Variants in EIF4E2 observed in about 807,000 individuals in gnomAD.
The protein encoded by EIF4E2 is eukaryotic translation initiation factor 4E family member 2.
A neutral mutation model predicts 34.2 loss-of-function variants in EIF4E2; 13 were observed. That is an observed-to-expected ratio of 0.38 (90% confidence interval 0.25 to 0.60). The LOEUF is 0.60. Among genes scored for constraint, EIF4E2 ranks in the 20% least tolerant of loss-of-function variants. EIF4E2 has a pLI of 0.62. For missense variants in EIF4E2, 222 were observed against 315.1 expected (o/e 0.70, Z 2.24); for synonymous variants, 100 against 106.6 (o/e 0.94, Z 0.38).
chr2:232,567,963 C>G, intron 6 of EIF4E2: 1 of 974,942 alleles, frequency 1.0e-6, no homozygotes, highest in Non-Finnish European at 1.2e-6. Flanking sequence ...AGGTTTAGTT[C>G]TCTCATATGG....
chr2:232,554,312 A>T (rs1692443884), intron 1 of EIF4E2, among the ~76,000 whole-genome samples: 1 of 152,210 alleles, frequency 6.6e-6, no homozygotes, highest in Admixed American at 6.5e-5. Flanking sequence ...ACAGAAGGAT[A>T]AAATGGGGGC....
intron 6 of EIF4E2, 83 bp from the exon 7 acceptor site, chr2:232,568,862 C>G: frequency 1.3e-6 from 2 of 1,588,756 alleles, no homozygotes; most frequent in Non-Finnish European, 1.7e-6. Context: ...AAGACCAACC[C>G]TCTTTGAGAC....
intron 6 of EIF4E2, chr2:232,568,438 A>G: frequency 1.0e-6 from 1 of 985,230 alleles, no homozygotes; most frequent in Non-Finnish European, 1.2e-6. Context: ...CTGTGTTAGC[A>G]TTGCTTTACT....
In EIF4E2 at chr2:232,576,009, T is replaced by G. The variant is rs182585964; in HGVS notation, c.666-4895T>G. Reference sequence around the variant, plus strand: ...TCACGAGGTCAAGAGATCGAGACCATCCTGGCCAACATGGTGAAACCCCGT... The same window carrying G: ...TCACGAGGTCAAGAGATCGAGACCAGCCTGGCCAACATGGTGAAACCCCGT... On this transcript the variant is annotated intron_variant, in intron 6 of 6. Transcript: ENST00000409098. Among the ~76,000 whole-genome samples the G allele has an allele frequency of 3.1e-3, 475 of 152,202 alleles. 2 individuals carry two copies. Among genetic ancestry groups the G allele is most frequent in the African/African-American group, 8.6e-3 (359 of 41,540 alleles).
At chr2:232,568,308 C>T (rs1693005422) in intron 6 of EIF4E2, 1 of 985,306 alleles carries the variant, frequency 1.0e-6, no homozygotes, top group Non-Finnish European at 1.2e-6. Context: ...AGCTAAGTGC[C>T]AGTTTTTAAG....
Position 232,566,044 on chromosome 2 carries a change from A to G in EIF4E2, c.376-785A>G, listed in dbSNP as rs1223673236. ...GAGGCAGAAGTGGCAGTGAGCCGAT[A>G]TCGCACCACTGCACTCCAGACTGGG... On this transcript the variant is annotated intron_variant, in intron 4 of 6. Transcript: ENST00000258416. This position sits in a 1 kb window ranked among gnomAD's most constrained non-coding sequence, Gnocchi z 4.9. 2.0e-5 allele frequency among the ~76,000 whole-genome samples: 3 copies of G among 151,590 alleles called. No homozygotes were observed. Among genetic ancestry groups the G allele is most frequent in the Non-Finnish European group, 4.4e-5 (3 of 67,928 alleles).
At chr2:232,570,357 C>T (rs1216659734), downstream of EIF4E2, among the ~76,000 whole-genome samples, 2 of 152,178 alleles carry the variant, frequency 1.3e-5, no homozygotes, top group African/African-American at 2.4e-5. Flanking sequence ...CCATTCTCTA[C>T]GTTTTTAGTA....
At chr2:232,556,599 T>G in intron 2 of EIF4E2, 69 bp downstream of exon 2, 2 of 1,132,522 alleles carry the variant, frequency 1.8e-6, no homozygotes, top group South Asian at 2.7e-5. Flanking sequence ...GGAATCTGTT[T>G]ATCTGGAAGA....
chr2:232,559,253 T>C (rs1692631524), intron 3 of EIF4E2, among the ~76,000 whole-genome samples: 1 of 133,640 alleles, frequency 7.5e-6, no homozygotes, highest in Non-Finnish European at 1.6e-5. Context: ...AGTGTAGTTG[T>C]ATGCTAGATA....
chr2:232,558,317 C>G, intron 3 of EIF4E2: 1 of 192,408 alleles, frequency 5.2e-6, no homozygotes, highest in Non-Finnish European at 1.1e-5. Context: ...GAGTCTCTTG[C>G]TCTGTCTCCC....
At chr2:232,573,202 C>T (rs1299216122), downstream of EIF4E2, among the ~76,000 whole-genome samples, 3 of 152,164 alleles carry the variant, frequency 2.0e-5, no homozygotes, top group Non-Finnish European at 4.4e-5. Flanking sequence ...ACACTAGGAG[C>T]TTTGGTAATA....
downstream of EIF4E2, chr2:232,573,633 C>T: frequency 5.9e-6 from 1 of 170,268 alleles, no homozygotes; most frequent in Non-Finnish European, 1.3e-5. Context: ...TTGTAATGGG[C>T]ATTGTTCCCT....
chr2:232,577,641 G>T (rs779560917), intron 6 of EIF4E2, among the ~76,000 whole-genome samples: 1 of 152,202 alleles, frequency 6.6e-6, no homozygotes, highest in Non-Finnish European at 1.5e-5. Context: ...CAAGATACCT[G>T]GGAATGTGAA....
rs1692831711 is a variant in EIF4E2, at chr2:232,564,205, T to C, written c.271-42T>C. On this transcript the variant is annotated intron_variant, in intron 3 of 6. Transcript: ENST00000258416. ...ACCTTGGGATGCATTCAAAGAAAAGTAAAAGACACATGTTTTTTACTCTGG... is the reference window on the plus strand; with the variant it reads ...ACCTTGGGATGCATTCAAAGAAAAGCAAAAGACACATGTTTTTTACTCTGG... 3 of 1,394,480 alleles carry C rather than the reference T, an allele frequency of 2.2e-6. No homozygotes were observed. The African/African-American group carries it at 4.3e-5, about 20-fold the overall frequency. The allele number at this position is 1,394,480 out of a possible 1,614,324, so 86.4% of individuals were successfully genotyped here.
At chr2:232,580,111 C>T (rs1371458964) in intron 6 of EIF4E2, among the ~76,000 whole-genome samples, 1 of 150,902 alleles carries the variant, frequency 6.6e-6, no homozygotes, top group African/African-American at 2.5e-5. Flanking sequence ...CACACACACA[C>T]ACACACACAC....
intron 1 of EIF4E2, among the ~76,000 whole-genome samples, chr2:232,555,582 A>C (rs1204510725): frequency 6.6e-6 from 1 of 152,184 alleles, no homozygotes; most frequent in East Asian, 1.9e-4. Context: ...CCGCATGTTA[A>C]GGCAACATCT....
chr2:232,553,750 G>C (rs888208452), intron 1 of EIF4E2: 2 of 152,154 alleles, frequency 1.3e-5, no homozygotes, highest in Non-Finnish European at 2.9e-5. Context: ...ACCAGATATA[G>C]GTCCATTAGG....
intron 6 of EIF4E2, among the ~76,000 whole-genome samples, chr2:232,574,687 A>G (rs899181099): frequency 2.0e-5 from 3 of 152,226 alleles, no homozygotes; most frequent in African/African-American, 4.8e-5. Context: ...CCATCTGGCA[A>G]TGTCCTGTGA....
chr2:232,562,373 G>T (rs1209608800), intron 3 of EIF4E2, among the ~76,000 whole-genome samples: 1 of 152,148 alleles, frequency 6.6e-6, no homozygotes, highest in Non-Finnish European at 1.5e-5. Flanking sequence ...CTGAGGTCAG[G>T]AGTTCGAGAC....
Sources: gnomAD v4.1 joint callset for allele counts (sites outside exome capture counted in the v4.1 genomes callset) on GRCh38, gnomAD v4.1.1 for gene constraint, Gnocchi (gnomAD v3.1) non-coding constraint, MANE v1.5 for transcripts, NCBI Gene and HGNC (gene_info 2026-07-23, HGNC 2026-07-21) for gene names.